Variants in SLC25A16 observed in about 807,000 individuals in gnomAD.
The protein encoded by SLC25A16 is solute carrier family 25 member 16, also known as mitochondrial coenzyme A transporter SLC25A16.
Under a neutral mutation model 41.5 loss-of-function variants are expected in SLC25A16, and 39 were observed. The ratio of observed to expected loss-of-function variants is 0.94; its 90% CI spans 0.73 to 1.23. SLC25A16 has a LOEUF of 1.23. Among genes scored for constraint, SLC25A16 ranks in the 50% most tolerant of loss-of-function variants. SLC25A16 has a pLI of 0.00. For synonymous variants in SLC25A16, 146 were observed against 147.8 expected (o/e 0.99, Z 0.09); for missense variants, 421 against 426.9 (o/e 0.99, Z 0.12).
chr10:68,515,799 A>C (rs1357778153), intron 2 of SLC25A16, among the ~76,000 whole-genome samples: 1 of 146,186 alleles, frequency 6.8e-6, no homozygotes, highest in Non-Finnish European at 1.5e-5. Flanking sequence ...ACTCTGCCTC[A>C]AAAAATAAAT....
At position 68,516,759 on chromosome 10, in the gene SLC25A16, T is replaced by A; in HGVS notation, c.215A>T (p.Lys72Met). Reference protein sequence around the residue: ...VLLQAHNHHYKHLGVFSALRA... With the variant: ...VLLQAHNHHYMHLGVFSALRA... ...AGCATCTATTAACTCACCTAAATGC[T>A]TGTAATGGTGATTGTGAGCTTGTAA... Residue 72 changes from lysine (K) to methionine (M), a missense_variant, in exon 2 of 9, where the codon AAG (lysine) becomes ATG (methionine). Coordinates refer to ENST00000609923, the MANE Select transcript of SLC25A16 (RefSeq NM_152707.4). 1 of 1,600,610 alleles carries A rather than the reference T, an allele frequency of 6.2e-7. No individual in the cohort carries two copies. The highest frequency in any genetic ancestry group is 1.7e-5 in the Admixed American group (1 of 59,510).
chr10:68,524,170 C>T (rs982382844), intron 1 of SLC25A16, among the ~76,000 whole-genome samples: 14 of 151,416 alleles, frequency 9.2e-5, no homozygotes, highest in Non-Finnish European at 1.6e-4. Context: ...ATTAGCCGGG[C>T]GTGGTGGCGG....
rs750539929 is a variant in SLC25A16 at position 68,480,393 on chromosome 10, ATT to A, written c.*3037_*3038del. On this transcript the variant is annotated 3_prime_UTR_variant, in exon 9 of 9. Transcript: ENST00000609923. ...AATTGTCAAAACATGGATAAAATTTATTTTTAATATCCTCTGTATTCTATAAC... is the reference window on the plus strand; with the variant it reads ...AATTGTCAAAACATGGATAAAATTTATTTAATATCCTCTGTATTCTATAAC... 7 of 151,080 alleles carry A rather than the reference ATT, an allele frequency of 4.6e-5. No individual in the cohort carries two copies. Among genetic ancestry groups the A allele is most frequent in the Non-Finnish European group, 1.0e-4 (7 of 67,718 alleles). The allele number at this position is 151,080 out of a possible 1,614,324, so 9.4% of individuals were successfully genotyped here.
At position 68,506,658 on chromosome 10, in the gene SLC25A16, C is replaced by T; in HGVS notation, c.284G>A (p.Gly95Glu). The T allele has an allele frequency of 6.2e-7, 1 of 1,600,804 alleles. No homozygotes were observed. Among genetic ancestry groups the T allele is most frequent in the Non-Finnish European group, 8.5e-7 (1 of 1,171,424 alleles). ...GATTCGAATCATCATTGCACCATTT[C>T]CTTTATACAATCCAAGGAATCCTTC... ...QKEGFLGLYK[G>E]NGAMMIRIFP... The change falls in exon 3 of 9, where the codon GGA (glycine) becomes GAA (glutamate). Residue 95 changes from glycine to glutamate, a missense_variant. Transcript: ENST00000609923.
At chr10:68,502,732 C>CA (rs1441887228) in intron 4 of SLC25A16, among the ~76,000 whole-genome samples, 1 of 100,904 alleles carries the variant, frequency 9.9e-6, no homozygotes, top group Non-Finnish European at 1.9e-5. Context: ...GACCCTGTCT[C>CA]AAAAAAGGAG....
intron 6 of SLC25A16, 44 bp from the exon 7 acceptor site, chr10:68,488,673 T>A: frequency 6.7e-7 from 1 of 1,491,898 alleles, no homozygotes; most frequent in Non-Finnish European, 9.2e-7. Context: ...TAACATAACA[T>A]GAGCTGTGAA....
At chr10:68,510,152 A>C (rs968775769) in intron 2 of SLC25A16, among the ~76,000 whole-genome samples, 1 of 152,166 alleles carries the variant, frequency 6.6e-6, no homozygotes, top group Non-Finnish European at 1.5e-5. Context: ...GTAATGTGAC[A>C]CTTTTTATAA....
rs943112631 is a variant in SLC25A16 at position 68,527,479 on chromosome 10, G to A, written c.-104C>T. 7 of 1,199,378 alleles carry A rather than the reference G, an allele frequency of 5.8e-6. No homozygotes were observed. Among genetic ancestry groups the A allele is most frequent in the Admixed American group, 7.0e-5 (2 of 28,684 alleles). 74.3% of individuals were successfully genotyped at this position (1,199,378 alleles called of 1,614,324 possible). A position where few individuals can be genotyped will look rare whatever the true frequency, so the allele number is the denominator to read the frequency against. The stretch of plus-strand genomic sequence containing the variant: ...ACAGGAGGCTGACCGCCCCGCCGGC[G>A]GGGCAAAGTAACACCCGGCGGCGCG... On this transcript the variant is annotated 5_prime_UTR_variant, in exon 1 of 9. Transcript: ENST00000609923.
intron 3 of SLC25A16, among the ~76,000 whole-genome samples, chr10:68,506,211 G>A (rs1161038940): frequency 6.6e-6 from 1 of 152,112 alleles, no homozygotes. Context: ...GCTCATGCCT[G>A]CAATCCCAAC....
At chr10:68,492,326 C>CT (rs1471513724) in intron 6 of SLC25A16, among the ~76,000 whole-genome samples, 19 of 152,156 alleles carry the variant, frequency 1.2e-4, no homozygotes, top group African/African-American at 4.3e-4. Flanking sequence ...AACACTTACT[C>CT]TATTTTTATG....
intron 2 of SLC25A16, among the ~76,000 whole-genome samples, chr10:68,511,204 G>A (rs2053057621): frequency 6.6e-6 from 1 of 152,110 alleles, no homozygotes; most frequent in Non-Finnish European, 1.5e-5. Flanking sequence ...TCACACCATT[G>A]CACTCCAGCC....
chr10:68,517,133 T>G, intron 1 of SLC25A16: 1 of 1,073,646 alleles, frequency 9.3e-7, no homozygotes, highest in Non-Finnish European at 1.1e-6. Context: ...AGACAGACAC[T>G]TCAAGGTATT....
intron 8 of SLC25A16, among the ~76,000 whole-genome samples, chr10:68,486,235 A>C (rs147424865): frequency 0.046 from 6,793 of 147,646 alleles, 422 homozygotes; most frequent in South Asian, 0.18. Context: ...ACAAAACAAA[A>C]AAAAAAAAAA....
intron 6 of SLC25A16, among the ~76,000 whole-genome samples, chr10:68,490,116 G>GT (rs1377095086): frequency 6.6e-6 from 1 of 151,858 alleles, no homozygotes; most frequent in Non-Finnish European, 1.5e-5. Flanking sequence ...TTTTAAAGGA[G>GT]GTAGATGCAG....
At position 68,493,491 on chromosome 10, in the gene SLC25A16, G is replaced by T. The variant is rs781058180; in HGVS notation, c.501C>A (p.Ser167Arg). The change falls in exon 5 of 9, where the codon AGC becomes AGA. Residue 167 changes from serine to arginine, a missense_variant. Physicochemically the swap from Ser to Arg is moderately radical, Grantham distance 110. Transcript: ENST00000609923. ...RLAFQVKGEHSYTGIIHAFKT... is the reference protein window; with the variant it reads ...RLAFQVKGEHRYTGIIHAFKT... ...TGAAAGCATGAATAATTCCTGTATA[G>T]CTGTGTTCCCCTTTCACCTGGAATG... 2.5e-6 allele frequency: 4 copies of T among 1,613,086 alleles called. No homozygotes were observed. The Admixed American group carries it at 6.7e-5, about 27-fold the overall frequency.
rs1448533998 is a variant in SLC25A16 at position 68,483,470 on chromosome 10, T to C, written c.961A>G (p.Thr321Ala). 1.2e-6 allele frequency: 2 copies of C among 1,608,348 alleles called. No homozygotes were observed. The highest frequency in any genetic ancestry group is 1.7e-5 in the Admixed American group (1 of 58,972). The change falls in exon 9 of 9, where the codon ACA becomes GCA. Residue 321 changes from threonine to alanine, a missense_variant. Physicochemically the swap from Thr to Ala is moderately conservative, Grantham distance 58. Coordinates refer to ENST00000609923, the MANE Select transcript of SLC25A16 (RefSeq NM_152707.4). ...CIPSQAVAFT[T>A]YELMKQFFHL... ...AAAAACTGCTTCATAAGTTCGTATG[T>C]TGTAAAAGCCACTGCTTGAGAGGGA...
At chr10:68,505,174 C>T (rs2052930922) in intron 3 of SLC25A16, among the ~76,000 whole-genome samples, 1 of 152,050 alleles carries the variant, frequency 6.6e-6, no homozygotes, top group Non-Finnish European at 1.5e-5. Context: ...CTCTTCTCCA[C>T]CTCTGAAAAA....
chr10:68,516,479 G>A (rs1186073583), intron 2 of SLC25A16, among the ~76,000 whole-genome samples: 1 of 152,126 alleles, frequency 6.6e-6, no homozygotes, highest in Non-Finnish European at 1.5e-5. Flanking sequence ...AGCATGCCAG[G>A]GCAAATATTT....
rs1590084836 is a variant in SLC25A16, at chr10:68,479,461, G to C, written c.*3971C>G. ...GAAGTCCTCCATAATGCTGACACAAGGTCTGGCACACAATTGGTGCTGAAT... is the reference window on the plus strand; with the variant it reads ...GAAGTCCTCCATAATGCTGACACAACGTCTGGCACACAATTGGTGCTGAAT... On this transcript the variant is annotated 3_prime_UTR_variant, in exon 9 of 9. Transcript: ENST00000609923. 1 of 152,188 alleles carries C rather than the reference G, an allele frequency of 6.6e-6. No individual in the cohort carries two copies. 9.4% of individuals were successfully genotyped at this position (152,188 alleles called of 1,614,324 possible).
Sources: allele counts gnomAD v4.1 joint callset (sites outside exome capture counted in the v4.1 genomes callset), GRCh38; gene constraint gnomAD v4.1.1; transcripts MANE v1.5; gene names NCBI Gene and HGNC (gene_info 2026-07-23, HGNC 2026-07-21).